Variants in RAB5A observed in about 807,000 individuals in gnomAD.
The protein encoded by RAB5A is ras-related protein Rab-5A.
In RAB5A, 8 loss-of-function variants were observed where a neutral mutation model predicts 25.7. The observed-to-expected ratio is 0.31, with a 90% CI of 0.18 to 0.56. The LOEUF (loss-of-function observed/expected upper bound fraction) is 0.56. Among genes scored for constraint, RAB5A ranks in the 20% least tolerant of loss-of-function variants. The pLI is 0.91. For missense variants in RAB5A, 192 were observed against 259.7 expected (o/e 0.74, Z 1.79); for synonymous variants, 98 against 89.8 (o/e 1.09, Z -0.52).
chr3:19,972,853 A>G (rs1696770057), intron 2 of RAB5A, among the ~76,000 whole-genome samples: 1 of 152,060 alleles, frequency 6.6e-6, no homozygotes. Context: ...CTGGCTTGAG[A>G]ATTGGATCAT....
At chr3:19,969,163 G>C (rs1293095568) in intron 2 of RAB5A, among the ~76,000 whole-genome samples, 1 of 150,310 alleles carries the variant, frequency 6.7e-6, no homozygotes, top group Non-Finnish European at 1.5e-5. Context: ...TCCTGCCTCA[G>C]CCTCCCAAGT....
Position 19,971,116 on chromosome 3 carries a change from G to A in RAB5A, c.164-4485G>A, listed in dbSNP as rs887795680. Among the ~76,000 whole-genome samples the A allele has an allele frequency of 8.3e-5, 12 of 144,318 alleles. 1 individual carries two copies. The East Asian group carries it at 2.4e-3, about 29-fold the overall frequency. 94.7% of individuals were successfully genotyped at this position (144,318 alleles called of 152,430 possible). ...GGAGGCTGAGGCAGGAGAATCACTC[G>A]AACCCAGGAAGCGGAGGTTTCAGTG... is the stretch of plus-strand genomic sequence containing the variant. On this transcript the variant is annotated intron_variant, in intron 2 of 5. Coordinates refer to ENST00000273047, the MANE Select transcript of RAB5A (RefSeq NM_004162.5).
chr3:19,970,584 A>G (rs1248339162), intron 2 of RAB5A: 2 of 456,614 alleles, frequency 4.4e-6, no homozygotes, highest in Non-Finnish European at 8.8e-6. Flanking sequence ...TCTTTGTGAA[A>G]TATGGGCCCG....
At position 19,974,929 on chromosome 3, in the gene RAB5A, T is replaced by A. The variant is rs771178952; in HGVS notation, c.164-672T>A. 3.6e-4 allele frequency among the ~76,000 whole-genome samples: 55 copies of A among 152,120 alleles called. 1 individual carries two copies. Among genetic ancestry groups the A allele is most frequent in the Non-Finnish European group, 7.4e-4 (50 of 68,020 alleles). On this transcript the variant is annotated intron_variant, in intron 2 of 5. Transcript: ENST00000273047. ...GCATTTCTTTAATTGTAGAGCAATT[T>A]TGAAATGCAGTCTTCGCTGGGCTTG...
intron 2 of RAB5A, among the ~76,000 whole-genome samples, chr3:19,957,901 A>G (rs1696528190): frequency 6.6e-6 from 1 of 152,210 alleles, no homozygotes; most frequent in South Asian, 2.1e-4. Context: ...GCTGGGGGGA[A>G]TAAAGTTACT....
At position 19,978,313 on chromosome 3, in the gene RAB5A, G is replaced by C. The variant is rs764274481; in HGVS notation, c.442G>C (p.Ala148Pro). The part of the protein sequence containing the change: ...ANKRAVDFQE[A>P]QSYADDNSLL... ...TCATTTTTTGTTCTGTAAACAGGAA[G>C]CACAGTCCTATGCAGATGACAATAG... The change falls in exon 5 of 6, where the codon GCA (alanine) becomes CCA (proline). Residue 148 changes from alanine (A) to proline (P), a missense_variant. Coordinates refer to ENST00000273047, the MANE Select transcript of RAB5A (RefSeq NM_004162.5). 6.2e-7 allele frequency: 1 copy of C among 1,603,862 alleles called. No individual in the cohort carries two copies. The highest frequency in any genetic ancestry group is 1.1e-5 in the South Asian group (1 of 90,734).
At position 19,978,327 on chromosome 3, in the gene RAB5A, A is replaced by G. The variant is rs1212827522; in HGVS notation, c.456A>G (p.Ala152=). ...GTAAACAGGAAGCACAGTCCTATGCAGATGACAATAGTTTATTATTCATGG... is the reference window on the plus strand; with the variant it reads ...GTAAACAGGAAGCACAGTCCTATGCGGATGACAATAGTTTATTATTCATGG... ...AVDFQEAQSY[A]DDNSLLFMET... The change falls in exon 5 of 6, where the codon GCA becomes GCG. Residue 152 remains alanine (A), a synonymous_variant. Transcript: ENST00000273047. 1.2e-6 allele frequency: 2 copies of G among 1,609,638 alleles called. No individual in the cohort carries two copies. Among genetic ancestry groups the G allele is most frequent in the African/African-American group, 1.3e-5 (1 of 74,822 alleles).
At chr3:19,976,007 T>G in intron 3 of RAB5A, 40 bp from the exon 4 acceptor site, 1 of 1,587,430 alleles carries the variant, frequency 6.3e-7, no homozygotes, top group Non-Finnish European at 8.5e-7. Flanking sequence ...GGTAACCATT[T>G]TTTGAGCCTG....
chr3:19,980,757 A>G (rs775206874), intron 5 of RAB5A, among the ~76,000 whole-genome samples: 1 of 152,114 alleles, frequency 6.6e-6, no homozygotes, highest in Non-Finnish European at 1.5e-5. Context: ...ATTTGACTGG[A>G]GATTTACCAT....
chr3:19,970,593 C>G (rs1269111267), intron 2 of RAB5A: 3 of 456,246 alleles, frequency 6.6e-6, no homozygotes, highest in Non-Finnish European at 1.3e-5. Context: ...AATATGGGCC[C>G]GAAAAGAAAA....
intron 5 of RAB5A, chr3:19,980,209 C>G (rs1696896845): frequency 6.6e-6 from 1 of 152,160 alleles, no homozygotes; most frequent in Admixed American, 6.5e-5. Context: ...GTTAATAGGC[C>G]TCTCAAATCA....
intron 5 of RAB5A, among the ~76,000 whole-genome samples, chr3:19,981,552 T>G (rs1213257168): frequency 1.3e-5 from 2 of 151,804 alleles, no homozygotes; most frequent in African/African-American, 4.8e-5. Context: ...AGGCAGAGGT[T>G]GTAGCGAGCT....
At chr3:19,951,125 T>A in intron 2 of RAB5A, 64 bp downstream of exon 2, 1 of 1,551,686 alleles carries the variant, frequency 6.4e-7, no homozygotes, top group Non-Finnish European at 8.8e-7. Flanking sequence ...AATATTTTGA[T>A]GTTCCAATTG....
Position 19,952,325 on chromosome 3 carries a change from A to G in RAB5A, c.163+1264A>G, listed in dbSNP as rs369744566. 2.0e-4 allele frequency among the ~76,000 whole-genome samples: 31 copies of G among 152,366 alleles called. No homozygotes were observed. The Middle Eastern group carries it at 0.01, about 50-fold the overall frequency. On this transcript the variant is annotated intron_variant, in intron 2 of 5. Transcript: ENST00000273047. ...AGAGCCACACGGTTTGAGATTCACAATATTTTGCAAGTGATATATAATTAA... is the reference window on the plus strand; with the variant it reads ...AGAGCCACACGGTTTGAGATTCACAGTATTTTGCAAGTGATATATAATTAA...
intron 2 of RAB5A, among the ~76,000 whole-genome samples, chr3:19,974,619 A>G (rs193038676): frequency 1.3e-4 from 20 of 152,190 alleles, no homozygotes; most frequent in Non-Finnish European, 2.2e-4. Flanking sequence ...ACAATGTTTT[A>G]AAAAATAATA....
At chr3:19,978,528 TGTGAGA>T in intron 5 of RAB5A, 125 bp downstream of exon 5, 2 of 628,752 alleles carry the variant, frequency 3.2e-6, no homozygotes, top group Non-Finnish European at 5.8e-6. Flanking sequence ...TATGTGTGTG[TGTGAGA>T]GAGAGAGAGA....
intron 1 of RAB5A, among the ~76,000 whole-genome samples, chr3:19,948,989 A>G (rs1696380377): frequency 2.0e-5 from 3 of 152,156 alleles, no homozygotes; most frequent in South Asian, 2.1e-4. Context: ...AATCCCTACT[A>G]TGTATATTAG....
chr3:19,959,281 A>G (rs560464262), intron 2 of RAB5A, among the ~76,000 whole-genome samples: 11 of 152,206 alleles, frequency 7.2e-5, no homozygotes, highest in Non-Finnish European at 7.3e-5. Context: ...TGATGATTCT[A>G]AAACTAGAAA....
At chr3:19,960,551 T>C (rs1485991666) in intron 2 of RAB5A, among the ~76,000 whole-genome samples, 1 of 152,228 alleles carries the variant, frequency 6.6e-6, no homozygotes, top group Non-Finnish European at 1.5e-5. Context: ...TCAACCTGCC[T>C]TAGCCTCCCA....
Sources: gnomAD v4.1 joint callset for allele counts (sites outside exome capture counted in the v4.1 genomes callset) on GRCh38, gnomAD v4.1.1 for gene constraint, MANE v1.5 for transcripts, NCBI Gene and HGNC (gene_info 2026-07-23, HGNC 2026-07-21) for gene names.